Variants in NID2 observed in about 807,000 individuals in gnomAD.
NID2 encodes the protein nidogen-2.
NID2 carries 83 observed loss-of-function variants against 145.4 expected under a neutral mutation model. That is an observed-to-expected ratio of 0.57 (90% CI 0.48 to 0.69). The LOEUF (loss-of-function observed/expected upper bound fraction) is 0.69, where lower values mean the gene tolerates loss of function less well. NID2 is among the 30% of genes least tolerant of loss of function. The probability of loss-of-function intolerance (pLI) is 0.00; values close to 1 mark genes in which losing one functional copy is unlikely to be tolerated. For missense variants in NID2, 1,807 were observed against 1,765.7 expected (o/e 1.02, Z -0.42); for synonymous variants, 739 against 701.3 (o/e 1.05, Z -0.85).
At chr14:52,060,455 T>G in intron 2 of NID2, 99 bp from the exon 3 acceptor site, 1 of 649,166 alleles carries the variant, frequency 1.5e-6, no homozygotes, top group Non-Finnish European at 2.4e-6. Context: ...CAAAGCATCA[T>G]AACGTGCAAA....
rs1021413467 is a variant in NID2 at position 52,005,020 on chromosome 14, C to CTATAAATA, written c.*458_*465dup. On this transcript the variant is annotated 3_prime_UTR_variant, in exon 22 of 22. Transcript: ENST00000216286. ...AAATCTTAGAACTTTTGTTGGGAAA[C>CTATAAATA]TATAAATAATTGGTCCTTTCCCATC... The CTATAAATA allele has an allele frequency of 1.9e-5, 3 of 157,364 alleles. No individual in the cohort carries two copies. In the East Asian group the frequency reaches 5.7e-4, roughly 30 times the overall value. 9.7% of individuals were successfully genotyped at this position (157,364 alleles called of 1,614,324 possible). A position where few individuals can be genotyped will look rare whatever the true frequency, so the allele number is the denominator to read the frequency against.
rs574524150 is a variant in NID2, at chr14:52,044,692, A to T, written c.1430-1761T>A. ...CAGTGGTGCCATCTCGGCTCACTGAAAGCTCGACTTCCCAGGCTCAAGTGA... is the reference window on the plus strand; with the variant it reads ...CAGTGGTGCCATCTCGGCTCACTGATAGCTCGACTTCCCAGGCTCAAGTGA... On this transcript the variant is annotated intron_variant, in intron 5 of 21. Coordinates refer to ENST00000216286, the MANE Select transcript of NID2 (RefSeq NM_007361.4). Among the ~76,000 whole-genome samples, 69 of 152,190 alleles carry T rather than the reference A, an allele frequency of 4.5e-4. 1 individual carries two copies. The highest frequency in any genetic ancestry group is 1.6e-3 in the African/African-American group (68 of 41,546).
rs779602167 is a variant in NID2 at position 52,053,825 on chromosome 14, C to G, written c.1183G>C (p.Ala395Pro). 6.2e-7 allele frequency: 1 copy of G among 1,614,148 alleles called. No individual in the cohort carries two copies. Among genetic ancestry groups the G allele is most frequent in the Non-Finnish European group, 8.5e-7 (1 of 1,180,012 alleles). Reference sequence around the variant, plus strand: ...GAATCTCTGTCTACCTCTGGTGGAGCTGGGCTTCTGGTCTCTCTCTCATCC... The same window carrying G: ...GAATCTCTGTCTACCTCTGGTGGAGGTGGGCTTCTGGTCTCTCTCTCATCC... ...PWDERETRSP[A>P]PPEVDRDSLA... Residue 395 changes from alanine to proline, a missense_variant, in exon 5 of 22, where the codon GCT becomes CCT. Coordinates refer to ENST00000216286, the MANE Select transcript of NID2 (RefSeq NM_007361.4).
intron 5 of NID2, among the ~76,000 whole-genome samples, chr14:52,046,100 G>A (rs1036045514): frequency 6.6e-6 from 1 of 152,142 alleles, no homozygotes; most frequent in Non-Finnish European, 1.5e-5. Flanking sequence ...GAGGCAGGCG[G>A]ATCACGAGGT....
Position 52,007,846 on chromosome 14 carries a change from C to CA in NID2, c.3843dup (p.Asp1282Ter). On this transcript the variant is annotated frameshift_variant, in exon 19 of 22. Transcript: ENST00000216286. LOFTEE classifies it high-confidence loss of function. Reference sequence around the variant, plus strand: ...CAGCAGAGCAGTTTAGAGAAAGGGTCAAAGGTTAAGCCATTGGGCAATCCA... The same window carrying CA: ...CAGCAGAGCAGTTTAGAGAAAGGGTCAAAAGGTTAAGCCATTGGGCAATCCA... 6.2e-7 allele frequency: 1 copy of CA among 1,613,904 alleles called. No homozygotes were observed. The highest frequency in any genetic ancestry group is 8.5e-7 in the Non-Finnish European group (1 of 1,179,934).
chr14:52,057,424 C>A (rs751914008), intron 3 of NID2, among the ~76,000 whole-genome samples: 1 of 151,992 alleles, frequency 6.6e-6, no homozygotes, highest in African/African-American at 2.4e-5. Flanking sequence ...TTAAACAGGC[C>A]GGGTATGGTG....
Position 52,015,058 on chromosome 14 carries a change from A to T in NID2, c.3246T>A (p.Pro1082=). The part of the protein sequence containing the change: ...QGTRSQPGTT[P]ACIPTVAPPM... The stretch of plus-strand genomic sequence containing the variant: ...CGGGGGCGGCCAGGTGCTTACACGC[A>T]GGGGTGGTGCCTGGCTGGGAGCGGG... Residue 1082 remains proline, a synonymous_variant, in exon 15 of 22, where the codon CCT becomes CCA. Coordinates refer to ENST00000216286, the MANE Select transcript of NID2 (RefSeq NM_007361.4). 1 of 1,612,956 alleles carries T rather than the reference A, an allele frequency of 6.2e-7. No homozygotes were observed. The highest frequency in any genetic ancestry group is 8.5e-7 in the Non-Finnish European group (1 of 1,179,444).
intron 16 of NID2, 149 bp from the exon 17 acceptor site, chr14:52,011,832 C>T: frequency 1.1e-6 from 1 of 912,242 alleles, no homozygotes; most frequent in Middle Eastern, 3.5e-4. Context: ...CATGTGGGCA[C>T]TCGGGTGAAA....
intron 14 of NID2, among the ~76,000 whole-genome samples, chr14:52,016,042 T>A (rs1036251817): frequency 1.5e-4 from 23 of 152,024 alleles, no homozygotes; most frequent in African/African-American, 5.1e-4. Context: ...CGTGTTGCCC[T>A]TTCCCCCCCT....
intron 5 of NID2, among the ~76,000 whole-genome samples, chr14:52,048,031 A>C (rs1892562956): frequency 6.6e-6 from 1 of 152,194 alleles, no homozygotes; most frequent in Non-Finnish European, 1.5e-5. Context: ...TTCTCACACC[A>C]ATTGGTGTTG....
At chr14:52,044,635 C>T (rs1219947503) in intron 5 of NID2, among the ~76,000 whole-genome samples, 1 of 151,690 alleles carries the variant, frequency 6.6e-6, no homozygotes, top group Non-Finnish European at 1.5e-5. Context: ...GTTGTTGAGA[C>T]AGGGTTTTGC....
At chr14:52,041,311 C>A (rs1394899046) in intron 7 of NID2, among the ~76,000 whole-genome samples, 3 of 152,054 alleles carry the variant, frequency 2.0e-5, no homozygotes, top group Non-Finnish European at 4.4e-5. Context: ...ACAAATTTAT[C>A]CAGGTGTGCC....
chr14:52,027,552 T>C (rs1227879782), intron 11 of NID2, among the ~76,000 whole-genome samples: 2 of 151,198 alleles, frequency 1.3e-5, no homozygotes, highest in Non-Finnish European at 2.9e-5. Context: ...CTGGTATGAA[T>C]TTGCTGTTAA....
chr14:52,012,712 T>TA (rs57813274), intron 16 of NID2, among the ~76,000 whole-genome samples: 10 of 152,038 alleles, frequency 6.6e-5, no homozygotes, highest in African/African-American at 1.5e-4. Context: ...ACAAGTCTTT[T>TA]AAAAAAATAA....
chr14:52,010,845 G>T (rs867564957), intron 18 of NID2, 31 bp downstream of exon 18: 1 of 1,603,948 alleles, frequency 6.2e-7, no homozygotes, highest in South Asian at 1.1e-5. Flanking sequence ...GGATCTACAG[G>T]TAAGAGAAGA....
chr14:52,040,852 C>A lies in NID2; in HGVS notation c.1826-1G>T, dbSNP rs879004396. 1 of 1,613,990 alleles carries A rather than the reference C, an allele frequency of 6.2e-7. No individual in the cohort carries two copies. Among genetic ancestry groups the A allele is most frequent in the African/African-American group, 1.3e-5 (1 of 74,900 alleles). The stretch of plus-strand genomic sequence containing the variant: ...TCCATGTCATGGGTAAAGGCAGCAC[C>A]TGGAGATGAAAAACATTCAGCACAG... On this transcript the variant is annotated splice_acceptor_variant, in intron 7 of 21. Transcript: ENST00000216286. LOFTEE classifies it high-confidence loss of function.
At position 52,040,711 on chromosome 14, in the gene NID2, A is replaced by G. The variant is rs3742536; in HGVS notation, c.1966T>C (p.Ser656Pro). The G allele has an allele frequency of 0.78, 1,261,942 of 1,613,712 alleles. 495,214 individuals are homozygous for G. The highest frequency in any genetic ancestry group is 0.89 in the African/African-American group (66,599 of 74,972). The change falls in exon 8 of 22, where the codon TCA (serine) becomes CCA (proline). Residue 656 changes from serine to proline, a missense_variant. By Grantham distance (74) the Ser-to-Pro change is moderately conservative. Transcript: ENST00000216286. ...TNIQGQVPYV[S>P]ANFTAHISPY... Reference sequence around the variant, plus strand: ...GAGATGTGGGCTGTGAAATTTGCTGAGACGTAAGGCACCTGGCCTTGAATG... The same window carrying G: ...GAGATGTGGGCTGTGAAATTTGCTGGGACGTAAGGCACCTGGCCTTGAATG...
At chr14:52,033,134 T>C (rs1891930972) in intron 9 of NID2, among the ~76,000 whole-genome samples, 1 of 152,330 alleles carries the variant, frequency 6.6e-6, no homozygotes, top group African/African-American at 2.4e-5. Context: ...TCTCCTATTA[T>C]AGTAAGTAAA....
chr14:52,048,812 A>G (rs1407881251), intron 5 of NID2, among the ~76,000 whole-genome samples: 1 of 152,202 alleles, frequency 6.6e-6, no homozygotes, highest in Non-Finnish European at 1.5e-5. Flanking sequence ...ACATTTGGGC[A>G]GAGGCCTGGA....
Sources: allele counts gnomAD v4.1 joint callset (sites outside exome capture counted in the v4.1 genomes callset), GRCh38; gene constraint gnomAD v4.1.1; transcripts MANE v1.5; gene names NCBI Gene and HGNC (gene_info 2026-07-23, HGNC 2026-07-21).